The following CDH18 variants were observed in gnomAD, a reference collection of about 807,000 sequenced individuals.
CDH18 encodes the protein cadherin 18.
In CDH18, 31 loss-of-function variants were observed where a neutral mutation model predicts 67.9. The ratio of observed to expected loss-of-function variants is 0.46; its 90% CI spans 0.34 to 0.62. CDH18 has a LOEUF of 0.62. Ranked by LOEUF, CDH18 falls within the 20% of genes least tolerant of loss-of-function variation. The probability of loss-of-function intolerance (pLI) is 0.01; values close to 1 mark genes in which losing one functional copy is unlikely to be tolerated. For synonymous variants in CDH18, 362 were observed against 347.2 expected, an observed-to-expected ratio of 1.04 and a Z score of -0.48; for missense variants, 890 against 975.5, an observed-to-expected ratio of 0.91 and a Z score of 1.17.
chr5:20,412,929 AT>A (rs1414834299), intron 1 of CDH18, among the ~76,000 whole-genome samples: 1 of 152,202 alleles, frequency 6.6e-6, no homozygotes, highest in Non-Finnish European at 1.5e-5. Flanking sequence ...TGTCATTTAC[AT>A]TAGGTATTTC....
intron 2 of CDH18, among the ~76,000 whole-genome samples, chr5:20,233,080 A>C (rs1482937298): frequency 6.6e-6 from 1 of 151,626 alleles, no homozygotes; most frequent in Non-Finnish European, 1.5e-5. Context: ...AACTCAGAAC[A>C]TTTTCCTCAA....
intron 1 of CDH18, among the ~76,000 whole-genome samples, chr5:20,265,237 T>G (rs1422575482): frequency 6.6e-6 from 1 of 152,216 alleles, no homozygotes; most frequent in South Asian, 2.1e-4. Context: ...AAGACAAACT[T>G]TTTTTTCCTG....
intron 2 of CDH18, among the ~76,000 whole-genome samples, chr5:20,016,800 C>T (rs1437660005): frequency 6.6e-6 from 1 of 152,088 alleles, no homozygotes; most frequent in African/African-American, 2.4e-5. Flanking sequence ...TAATTCAAAC[C>T]TACACTAGTG....
chr5:20,365,562 A>G (rs971857422), intron 1 of CDH18, among the ~76,000 whole-genome samples: 1 of 152,196 alleles, frequency 6.6e-6, no homozygotes, highest in Admixed American at 6.5e-5. Context: ...AGTTGTCAAA[A>G]TTTATATTCT....
chr5:20,348,031 A>C (rs1012366876), intron 1 of CDH18, among the ~76,000 whole-genome samples: 1 of 152,186 alleles, frequency 6.6e-6, no homozygotes, highest in African/African-American at 2.4e-5. Context: ...ACTTAGCTGT[A>C]CTAGGGACTA....
At chr5:20,063,530 T>G (rs1401453508) in intron 2 of CDH18, among the ~76,000 whole-genome samples, 1 of 152,068 alleles carries the variant, frequency 6.6e-6, no homozygotes, top group Non-Finnish European at 1.5e-5. Flanking sequence ...TTTGCTTGAG[T>G]CACATTGGGT....
At position 19,510,077 on chromosome 5, in the gene CDH18, G is replaced by A. The variant is rs138697900; in HGVS notation, c.1513-6968C>T. On this transcript the variant is annotated intron_variant, in intron 10 of 12. Coordinates refer to ENST00000382275, the MANE Select transcript of CDH18 (RefSeq NM_004934.5). Reference sequence around the variant, plus strand: ...TGCAGCATTCATAATAGAAATATCCGTAATTTGAAAAGCAATTGTCATTGA... The same window carrying A: ...TGCAGCATTCATAATAGAAATATCCATAATTTGAAAAGCAATTGTCATTGA... Among the ~76,000 whole-genome samples, 9 of 152,144 alleles carry A rather than the reference G, an allele frequency of 5.9e-5. No homozygotes were observed. In the East Asian group the frequency reaches 1.2e-3, roughly 20 times the overall value.
intron 2 of CDH18, among the ~76,000 whole-genome samples, chr5:19,849,614 ATATATATATAAACATATATATACACG>A (rs1561436953): frequency 0.01 from 960 of 93,970 alleles, 78 homozygotes; most frequent in African/African-American, 0.026. Flanking sequence ...ATATACACGC[ATATATATATAAACATATATATACACG>A]CATATATATA....
intron 1 of CDH18, among the ~76,000 whole-genome samples, chr5:20,423,118 T>C (rs983705938): frequency 2.6e-5 from 4 of 151,250 alleles, no homozygotes; most frequent in Non-Finnish European, 5.9e-5. Flanking sequence ...AGAGAATGAA[T>C]GGACGTCTGT....
chr5:19,474,999 G>A (rs1738198906), intron 12 of CDH18, among the ~76,000 whole-genome samples: 1 of 152,062 alleles, frequency 6.6e-6, no homozygotes. Context: ...CAGCTCTATA[G>A]ACTGCTCTTT....
At chr5:19,610,856 T>C (rs533400734) in intron 6 of CDH18, among the ~76,000 whole-genome samples, 4 of 152,280 alleles carry the variant, frequency 2.6e-5, no homozygotes, top group South Asian at 4.1e-4. Context: ...TTATATTTTA[T>C]GGCTCAATAA....
At chr5:19,496,982 A>T (rs949096642) in intron 11 of CDH18, among the ~76,000 whole-genome samples, 4 of 152,104 alleles carry the variant, frequency 2.6e-5, no homozygotes, top group African/African-American at 9.7e-5. Flanking sequence ...CAACTGTGAG[A>T]AATAAATTTT....
At chr5:20,055,049 AAAGACAAC>A (rs1392511522) in intron 2 of CDH18, among the ~76,000 whole-genome samples, 4 of 152,152 alleles carry the variant, frequency 2.6e-5, no homozygotes, top group Non-Finnish European at 5.9e-5. Context: ...TATTTCTGTG[AAAGACAAC>A]CAACACAGTA....
intron 2 of CDH18, among the ~76,000 whole-genome samples, chr5:20,189,665 A>C (rs1455777576): frequency 6.6e-6 from 1 of 152,138 alleles, no homozygotes; most frequent in African/African-American, 2.4e-5. Context: ...AGAACCAAGG[A>C]AGATTACGCA....
intron 11 of CDH18, among the ~76,000 whole-genome samples, chr5:19,493,971 G>T (rs1026775491): frequency 6.6e-6 from 1 of 152,028 alleles, no homozygotes; most frequent in Non-Finnish European, 1.5e-5. Context: ...TCTCATGAGT[G>T]TTATCTTAGA....
chr5:19,829,076 C>T (rs1373568264), intron 3 of CDH18, among the ~76,000 whole-genome samples: 8 of 151,858 alleles, frequency 5.3e-5, no homozygotes, highest in Admixed American at 5.3e-4. Flanking sequence ...ATAACAGGAG[C>T]CATCTATGAA....
intron 5 of CDH18, among the ~76,000 whole-genome samples, chr5:19,675,564 G>A (rs988393142): frequency 5.3e-5 from 8 of 152,104 alleles, no homozygotes; most frequent in East Asian, 3.9e-4. Flanking sequence ...GCTCTGTTCC[G>A]CCTGGCCCAC....
intron 2 of CDH18, among the ~76,000 whole-genome samples, chr5:20,222,701 C>A (rs1741324843): frequency 6.6e-6 from 1 of 151,550 alleles, no homozygotes. Flanking sequence ...AGTGTGTACG[C>A]CAACTATGTA....
At chr5:19,496,180 T>C (rs573171294) in intron 11 of CDH18, among the ~76,000 whole-genome samples, 2 of 152,296 alleles carry the variant, frequency 1.3e-5, no homozygotes, top group South Asian at 2.1e-4. Flanking sequence ...GCTCTCAGTC[T>C]AGAGCCCTAG....
Sources: gnomAD v4.1 joint callset for allele counts (sites outside exome capture counted in the v4.1 genomes callset) on GRCh38, gnomAD v4.1.1 for gene constraint, MANE v1.5 for transcripts, NCBI Gene and HGNC (gene_info 2026-07-23, HGNC 2026-07-21) for gene names.